The following KIF11 variants were observed in gnomAD, a reference collection of about 807,000 sequenced individuals.
The protein encoded by KIF11 is kinesin family member 11, also known as kinesin-like protein KIF11.
KIF11 carries 9 observed loss-of-function variants against 121.0 expected under a neutral mutation model. That is an observed-to-expected ratio of 0.07 (90% CI 0.04 to 0.13). The LOEUF (loss-of-function observed/expected upper bound fraction) is 0.13. KIF11 is among the 10% of genes least tolerant of loss of function. The pLI is 1.00. For missense variants in KIF11, 846 were observed against 1,217.5 expected, an observed-to-expected ratio of 0.69 and a Z score of 4.54; for synonymous variants, 408 against 421.0, an observed-to-expected ratio of 0.97 and a Z score of 0.38.
Position 92,654,762 on chromosome 10 carries a change from A to G in KIF11, c.*966A>G, listed in dbSNP as rs1486298933. 6.6e-6 allele frequency: 1 copy of G among 152,262 alleles called. No homozygotes were observed. Among genetic ancestry groups the G allele is most frequent in the South Asian group, 2.1e-4 (1 of 4,810 alleles). 9.4% of individuals were successfully genotyped at this position (152,262 alleles called of 1,614,324 possible). On this transcript the variant is annotated 3_prime_UTR_variant, in exon 22 of 22. Coordinates refer to ENST00000260731, the MANE Select transcript of KIF11 (RefSeq NM_004523.4). ...AAATGTGAAAGCATTTCATTCCTTTAAGAGGCCTAACTCATTCACCCTGAC... is the reference window on the plus strand; with the variant it reads ...AAATGTGAAAGCATTTCATTCCTTTGAGAGGCCTAACTCATTCACCCTGAC...
Position 92,643,004 on chromosome 10 carries a change from C to T in KIF11, c.2268-2359C>T, listed in dbSNP as rs550036344. ...TTGGCTCACTGCAACCTCTGCCTCC[C>T]GGGTTCAAGTGATTCTCCTGCCTCA... On this transcript the variant is annotated intron_variant, in intron 17 of 21. Coordinates refer to ENST00000260731, the MANE Select transcript of KIF11 (RefSeq NM_004523.4). Among the ~76,000 whole-genome samples the T allele has an allele frequency of 5.9e-5, 9 of 152,276 alleles. No individual in the cohort carries two copies. In the South Asian group the frequency reaches 1.5e-3, roughly 25 times the overall value.
chr10:92,615,137 C>G (rs917003996), intron 8 of KIF11, among the ~76,000 whole-genome samples: 2 of 152,074 alleles, frequency 1.3e-5, no homozygotes, highest in Non-Finnish European at 2.9e-5. Context: ...GGCACGGTGG[C>G]TTACGCCTGT....
rs2135928652 is a variant in KIF11 at position 92,655,173 on chromosome 10, TA to T, written c.*1380del. On this transcript the variant is annotated 3_prime_UTR_variant, in exon 22 of 22. Transcript: ENST00000260731. ...TTCTGCTCACGATGAGTTTAGTGTG[TA>T]AAGTTTAGAGACATCTGACTTTGAT... 6.5e-6 allele frequency: 1 copy of T among 152,710 alleles called. No individual in the cohort carries two copies. The highest frequency in any genetic ancestry group is 2.1e-4 in the South Asian group (1 of 4,818). 9.5% of individuals were successfully genotyped at this position (152,710 alleles called of 1,614,324 possible).
rs181416620 is a variant in KIF11 at position 92,651,365 on chromosome 10, C to T, written c.3039+848C>T. 4.5e-3 allele frequency among the ~76,000 whole-genome samples: 660 copies of T among 147,108 alleles called. 4 individuals carry two copies. The highest frequency in any genetic ancestry group is 7.2e-3 in the Admixed American group (105 of 14,618). ...TTTTTTTTCTTTTGAGACGGAGCTT[C>T]GCTCTTGTTTCCCAGGCTGGAGTGC... On this transcript the variant is annotated intron_variant, in intron 21 of 21. Coordinates refer to ENST00000260731, the MANE Select transcript of KIF11 (RefSeq NM_004523.4).
At chr10:92,616,214 TG>T (rs1712651010) in intron 8 of KIF11, among the ~76,000 whole-genome samples, 1 of 151,676 alleles carries the variant, frequency 6.6e-6, no homozygotes, top group Non-Finnish European at 1.5e-5. Context: ...TTTGTTTTTT[TG>T]TTTTTTTTTT....
intron 6 of KIF11, among the ~76,000 whole-genome samples, chr10:92,610,982 A>G (rs938283678): frequency 2.0e-5 from 3 of 152,178 alleles, no homozygotes; most frequent in Non-Finnish European, 1.5e-5. Context: ...ACTAGGTAAA[A>G]TTTCTTTAGG....
Position 92,650,389 on chromosome 10 carries a change from T to C in KIF11, c.2923-12T>C, listed in dbSNP as rs1347247282. 6.6e-7 allele frequency: 1 copy of C among 1,523,226 alleles called. No homozygotes were observed. Among genetic ancestry groups the C allele is most frequent in the East Asian group, 2.3e-5 (1 of 44,434 alleles). The allele number at this position is 1,523,226 out of a possible 1,614,324, so 94.4% of individuals were successfully genotyped here. On this transcript the variant is annotated splice_polypyrimidine_tract_variant and intron_variant, in intron 20 of 21. Transcript: ENST00000260731. ...CCTTGGACTTAGTCACTCATCCAGT[T>C]TCTTCTTTTAGGATGTGGATGTAGA...
chr10:92,645,054 G>T (rs932596074), intron 17 of KIF11, among the ~76,000 whole-genome samples: 1 of 152,220 alleles, frequency 6.6e-6, no homozygotes, highest in Non-Finnish European at 1.5e-5. Flanking sequence ...TAGATGCCCT[G>T]AAGTAACATT....
chr10:92,637,036 A>C, intron 14 of KIF11, 148 bp from the exon 15 acceptor site: 1 of 431,622 alleles, frequency 2.3e-6, no homozygotes, highest in East Asian at 8.2e-5. Flanking sequence ...CCGTCTCAAA[A>C]AAAAAAAAAA....
chr10:92,619,192 A>G (rs1384848474), intron 9 of KIF11, among the ~76,000 whole-genome samples: 1 of 151,904 alleles, frequency 6.6e-6, no homozygotes. Context: ...AATTTTTTGT[A>G]TTTTTAGTAG....
At chr10:92,605,982 C>G (rs955483940) in intron 1 of KIF11, among the ~76,000 whole-genome samples, 5 of 152,176 alleles carry the variant, frequency 3.3e-5, no homozygotes, top group African/African-American at 1.2e-4. Context: ...CCCATCTCTA[C>G]CATCAAAACA....
chr10:92,624,717 G>T (rs1481901619), intron 10 of KIF11, among the ~76,000 whole-genome samples: 1 of 150,604 alleles, frequency 6.6e-6, no homozygotes, highest in Non-Finnish European at 1.5e-5. Flanking sequence ...TATTCCTTTG[G>T]GTATATACCC....
intron 1 of KIF11, 95 bp downstream of exon 1, chr10:92,593,547 T>C: frequency 9.5e-7 from 1 of 1,051,714 alleles, no homozygotes; most frequent in Non-Finnish European, 1.4e-6. Context: ...TTGCATTTCC[T>C]GAGGGTCCCA....
At chr10:92,651,529 T>C (rs1417966612) in intron 21 of KIF11, among the ~76,000 whole-genome samples, 1 of 120,448 alleles carries the variant, frequency 8.3e-6, no homozygotes, top group Non-Finnish European at 1.8e-5. Flanking sequence ...TTTTTTTTTT[T>C]TTTTTTTTTT....
chr10:92,618,130 A>C (rs1411056058), intron 9 of KIF11, among the ~76,000 whole-genome samples: 1 of 152,018 alleles, frequency 6.6e-6, no homozygotes, highest in Non-Finnish European at 1.5e-5. Context: ...TTTTTTGGTG[A>C]AATGTCTATT....
chr10:92,614,055 CACACACACACAT>C (rs1237307960), intron 8 of KIF11, among the ~76,000 whole-genome samples: 13 of 142,338 alleles, frequency 9.1e-5, no homozygotes, highest in African/African-American at 2.3e-4. Context: ...CACACACACA[CACACACACACAT>C]ATAGTAGGGA....
chr10:92,604,174 G>A, intron 1 of KIF11, among the ~76,000 whole-genome samples: 1 of 152,106 alleles, frequency 6.6e-6, no homozygotes, highest in Non-Finnish European at 1.5e-5. Context: ...GAGAAGTCTG[G>A]GTAGGAAACT....
chr10:92,645,394 T>A lies in KIF11; in HGVS notation c.2299T>A (p.Phe767Ile), dbSNP rs1844907762. 1 of 1,612,434 alleles carries A rather than the reference T, an allele frequency of 6.2e-7. No homozygotes were observed. The highest frequency in any genetic ancestry group is 1.1e-5 in the South Asian group (1 of 90,876). ...TAAGGATATAGTCAACAAAATGACT[T>A]TTCACAGTCAAAAATTTTGTGCTGA... ...KSKDIVNKMT[F>I]HSQKFCADSD... Residue 767 changes from phenylalanine to isoleucine, a missense_variant, in exon 18 of 22, where the codon TTT becomes ATT. This residue lies in a region of KIF11 where 492 missense variants were observed against 603.4 expected (regional missense o/e 0.82). Transcript: ENST00000260731.
At chr10:92,597,294 C>T (rs1405954409) in intron 1 of KIF11, 2 of 217,472 alleles carry the variant, frequency 9.2e-6, no homozygotes, top group African/African-American at 2.3e-5. Flanking sequence ...GACAGAAAAT[C>T]GTTCTGTCAC....
Sources: allele counts gnomAD v4.1 joint callset (sites outside exome capture counted in the v4.1 genomes callset), GRCh38; gene constraint gnomAD v4.1.1; regional missense constraint gnomAD v4.1.1; transcripts MANE v1.5; gene names NCBI Gene and HGNC (gene_info 2026-07-23, HGNC 2026-07-21).